The following PTH2R variants were observed in gnomAD, a reference collection of about 807,000 sequenced individuals.
PTH2R encodes parathyroid hormone 2 receptor.
A neutral mutation model predicts 60.3 loss-of-function variants in PTH2R; 59 were observed. The ratio of observed to expected loss-of-function variants is 0.98; its 90% confidence interval spans 0.79 to 1.22. PTH2R has a LOEUF of 1.22. Among genes scored for constraint, PTH2R ranks in the 50% most tolerant of loss-of-function variants. The probability of loss-of-function intolerance (pLI) is 0.00; values close to 1 mark genes in which losing one functional copy is unlikely to be tolerated. For missense variants in PTH2R, 749 were observed against 682.6 expected, an observed-to-expected ratio of 1.10 and a Z score of -1.08; for synonymous variants, 256 against 243.8, an observed-to-expected ratio of 1.05 and a Z score of -0.47.
chr2:208,375,780 C>A (rs1466367063), intron 1 of PTH2R, among the ~76,000 whole-genome samples: 2 of 152,194 alleles, frequency 1.3e-5, no homozygotes, highest in Middle Eastern at 3.4e-3. Flanking sequence ...GCAGTAGAAG[C>A]AGGTTCTGTG....
chr2:208,364,284 G>C (rs1338701957), intron 1 of PTH2R, among the ~76,000 whole-genome samples: 1 of 152,096 alleles, frequency 6.6e-6, no homozygotes, highest in African/African-American at 2.4e-5. Context: ...ATCCAAGAAT[G>C]TGGAATGTGT....
At chr2:208,438,340 A>T (rs1702118578) in intron 4 of PTH2R, among the ~76,000 whole-genome samples, 1 of 152,128 alleles carries the variant, frequency 6.6e-6, no homozygotes, top group African/African-American at 2.4e-5. Flanking sequence ...CGTATAAAAG[A>T]TTAGAGTTTT....
rs946018071 is a variant in PTH2R, at chr2:208,383,940, C to T, written c.-259+23703C>T. On this transcript the variant is annotated intron_variant, in intron 1 of 12. Coordinates refer to the PTH2R transcript ENST00000617735. ...GTTTGCCATGATGTAGAGAACAGTC[C>T]GGGAGGAGTGAATGGAGGATGGGGG... 7.9e-5 allele frequency among the ~76,000 whole-genome samples: 12 copies of T among 152,028 alleles called. No homozygotes were observed. The East Asian group carries it at 2.1e-3, about 27-fold the overall frequency.
intron 10 of PTH2R, among the ~76,000 whole-genome samples, chr2:208,487,510 C>A (rs1040897806): frequency 6.6e-6 from 1 of 152,154 alleles, no homozygotes; most frequent in Non-Finnish European, 1.5e-5. Flanking sequence ...AAAAGTATAA[C>A]CTCACCCACT....
At chr2:208,395,244 T>C (rs1442753783) in intron 1 of PTH2R, among the ~76,000 whole-genome samples, 1 of 152,048 alleles carries the variant, frequency 6.6e-6, no homozygotes, top group Non-Finnish European at 1.5e-5. Flanking sequence ...AGACGGGGTT[T>C]CACCATGTTA....
chr2:208,401,597 C>G (rs1355749064), intron 1 of PTH2R, among the ~76,000 whole-genome samples: 1 of 152,098 alleles, frequency 6.6e-6, no homozygotes. Flanking sequence ...TTTGCAGCCA[C>G]CCTTCTTCCT....
chr2:208,474,608 A>G (rs995639044), intron 9 of PTH2R, among the ~76,000 whole-genome samples: 1 of 152,264 alleles, frequency 6.6e-6, no homozygotes. Context: ...GGAACAATGC[A>G]TCTGCAGAAT....
intron 9 of PTH2R, among the ~76,000 whole-genome samples, chr2:208,479,091 A>G (rs1407425245): frequency 6.6e-6 from 1 of 152,190 alleles, no homozygotes; most frequent in Non-Finnish European, 1.5e-5. Context: ...CTTTTAAGGC[A>G]TCAAGTTTTA....
At chr2:208,408,722 A>AAGAG (rs760355788) in intron 1 of PTH2R, among the ~76,000 whole-genome samples, 2,638 of 121,048 alleles carry the variant, frequency 0.022, 142 homozygotes, top group East Asian at 0.08. Flanking sequence ...GAAGAAAGGA[A>AAGAG]AGAGAGAGAG....
chr2:208,480,099 G>A (rs1272575417), intron 9 of PTH2R, among the ~76,000 whole-genome samples: 1 of 152,144 alleles, frequency 6.6e-6, no homozygotes, highest in Non-Finnish European at 1.5e-5. Flanking sequence ...GGGGTGTTCA[G>A]GGCTGATACA....
In PTH2R at chr2:208,456,408, A is replaced by T. The variant is rs547984922; in HGVS notation, c.915-3487A>T. Among the ~76,000 whole-genome samples the T allele has an allele frequency of 2.0e-5, 3 of 152,342 alleles. No individual in the cohort carries two copies. In the South Asian group the frequency reaches 6.2e-4, roughly 32 times the overall value. On this transcript the variant is annotated intron_variant, in intron 8 of 12. Transcript: ENST00000272847. The stretch of plus-strand genomic sequence containing the variant: ...CTTCTCTTTGCCTCATTCGAAGGAG[A>T]TAAGAGATGCCAATGAGAGAAGAAA...
chr2:208,385,479 T>C (rs1425951652), intron 1 of PTH2R, among the ~76,000 whole-genome samples: 1 of 152,190 alleles, frequency 6.6e-6, no homozygotes, highest in African/African-American at 2.4e-5. Context: ...ATTCTAAAAA[T>C]GTTCTTAGGC....
At position 208,415,479 on chromosome 2, in the gene PTH2R, T is replaced by G. The variant is rs557380019; in HGVS notation, c.75+8361T>G. 3.9e-5 allele frequency among the ~76,000 whole-genome samples: 6 copies of G among 152,326 alleles called. No individual in the cohort carries two copies. In the South Asian group the frequency reaches 1.2e-3, roughly 32 times the overall value. The stretch of plus-strand genomic sequence containing the variant: ...AACTTGACATATTTCAAGTGCTACA[T>G]GTATTGCTCTACATTTTCACTTTAC... On this transcript the variant is annotated intron_variant, in intron 1 of 12. Transcript: ENST00000272847.
chr2:208,367,560 G>A (rs1700617950), intron 1 of PTH2R, among the ~76,000 whole-genome samples: 1 of 151,242 alleles, frequency 6.6e-6, no homozygotes, highest in African/African-American at 2.4e-5. Flanking sequence ...AGTAGAGATG[G>A]GTTTTCACCA....
At chr2:208,480,520 G>A (rs1157185717) in intron 9 of PTH2R, among the ~76,000 whole-genome samples, 4 of 151,898 alleles carry the variant, frequency 2.6e-5, no homozygotes, top group African/African-American at 9.7e-5. Context: ...ATCTCTAATG[G>A]TATTCACACT....
At chr2:208,443,073 A>G (rs1702218490) in intron 5 of PTH2R, among the ~76,000 whole-genome samples, 1 of 152,238 alleles carries the variant, frequency 6.6e-6, no homozygotes, top group African/African-American at 2.4e-5. Flanking sequence ...AATACAGTAT[A>G]ACATCTATTT....
rs116725194 is a variant in PTH2R, at chr2:208,368,905, T to C, written c.-259+8668T>C. The stretch of plus-strand genomic sequence containing the variant: ...CCTTTTCTGGGTAACATTTCAAAAA[T>C]GTATTGCAATCAAATTCTGTGATTT... On this transcript the variant is annotated intron_variant, in intron 1 of 12. Coordinates refer to the PTH2R transcript ENST00000617735. Among the ~76,000 whole-genome samples the C allele has an allele frequency of 8.2e-3, 1,244 of 152,340 alleles. 15 individuals are homozygous for C. The highest frequency in any genetic ancestry group is 0.028 in the African/African-American group (1,178 of 41,584).
At chr2:208,401,230 C>T (rs928950283) in intron 1 of PTH2R, among the ~76,000 whole-genome samples, 1 of 152,194 alleles carries the variant, frequency 6.6e-6, no homozygotes, top group African/African-American at 2.4e-5. Context: ...GTTTTCAGCA[C>T]TTACCTGAGC....
chr2:208,376,850 T>G (rs1388863175), intron 1 of PTH2R, among the ~76,000 whole-genome samples: 3 of 151,986 alleles, frequency 2.0e-5, no homozygotes, highest in African/African-American at 7.3e-5. Flanking sequence ...AAAATGCCTC[T>G]TTCTTTTTTT....
Sources: gnomAD v4.1 joint callset for allele counts (sites outside exome capture counted in the v4.1 genomes callset) on GRCh38, gnomAD v4.1.1 for gene constraint, MANE v1.5 for transcripts, NCBI Gene and HGNC (gene_info 2026-07-23, HGNC 2026-07-21) for gene names.